FAM135B: variants seen among roughly 807,000 people sequenced by gnomAD.
FAM135B encodes the protein protein FAM135B.
Under a neutral mutation model 127.7 loss-of-function variants are expected in FAM135B, and 43 were observed. The observed-to-expected ratio is 0.34, with a 90% CI of 0.26 to 0.43. FAM135B has a LOEUF of 0.43. Among genes scored for constraint, FAM135B ranks in the 20% least tolerant of loss-of-function variants. The pLI is 1.00. For missense variants in FAM135B, 1,558 were observed against 1,725.6 expected, an observed-to-expected ratio of 0.90 and a Z score of 1.72; for synonymous variants, 670 against 665.1, an observed-to-expected ratio of 1.01 and a Z score of -0.11.
At chr8:138,488,996 A>G (rs915118408) in intron 1 of FAM135B, among the ~76,000 whole-genome samples, 5 of 152,128 alleles carry the variant, frequency 3.3e-5, no homozygotes, top group African/African-American at 9.7e-5. Context: ...GCAGTAGTGT[A>G]GCCCTTGTGG....
intron 5 of FAM135B, among the ~76,000 whole-genome samples, 158 bp from the exon 6 acceptor site, chr8:138,251,172 A>G (rs1290086489): frequency 6.6e-6 from 1 of 152,108 alleles, no homozygotes; most frequent in African/African-American, 2.4e-5. Context: ...CATTTTTCCC[A>G]CCATTGGCAG....
intron 11 of FAM135B, among the ~76,000 whole-genome samples, chr8:138,173,231 G>A (rs764759314): frequency 1.6e-4 from 24 of 152,140 alleles, no homozygotes; most frequent in Admixed American, 8.5e-4. Context: ...ACCTGAGTCC[G>A]GGCTTATGCT....
intron 7 of FAM135B, among the ~76,000 whole-genome samples, chr8:138,235,506 G>C (rs1563802071): frequency 6.6e-6 from 1 of 152,178 alleles, no homozygotes; most frequent in Non-Finnish European, 1.5e-5. Context: ...AAGAATATGA[G>C]GGTGTTCACA....
At position 138,178,710 on chromosome 8, in the gene FAM135B, G is replaced by A. The variant is rs2130984581; in HGVS notation, c.874-20C>T. 1 of 1,612,554 alleles carries A rather than the reference G, an allele frequency of 6.2e-7. No homozygotes were observed. Among genetic ancestry groups the A allele is most frequent in the Non-Finnish European group, 8.5e-7 (1 of 1,179,012 alleles). ...CAACATCTGGAGAGGCAAAAAAGGT[G>A]GTATTCAAGGCTCCTGACTCCATGA... On this transcript the variant is annotated intron_variant, in intron 9 of 19. Coordinates refer to ENST00000395297, the MANE Select transcript of FAM135B (RefSeq NM_015912.4).
rs138018496 is a variant in FAM135B at position 138,242,407 on chromosome 8, C to T, written c.669+535G>A. Among the ~76,000 whole-genome samples, 42 of 152,130 alleles carry T rather than the reference C, an allele frequency of 2.8e-4. No individual in the cohort carries two copies. The highest frequency in any genetic ancestry group is 1.0e-3 in the African/African-American group (42 of 41,514). ...GGGGATGTTTCCTAGGATAAAAGAA[C>T]AAGGGGAAGGACAGGATATGCATAT... On this transcript the variant is annotated intron_variant, in intron 7 of 19. Coordinates refer to ENST00000395297, the MANE Select transcript of FAM135B (RefSeq NM_015912.4). The surrounding 1 kb of genome is among the most constrained non-coding windows in gnomAD (Gnocchi z 9.6).
intron 1 of FAM135B, among the ~76,000 whole-genome samples, chr8:138,445,525 G>T (rs925855433): frequency 3.3e-5 from 5 of 152,060 alleles, no homozygotes; most frequent in East Asian, 3.9e-4. Flanking sequence ...ATGTAATCTA[G>T]CATATAAACA....
At chr8:138,188,682 C>T (rs1815808780) in intron 9 of FAM135B, among the ~76,000 whole-genome samples, 1 of 152,196 alleles carries the variant, frequency 6.6e-6, no homozygotes, top group African/African-American at 2.4e-5. Flanking sequence ...TCATCCCATG[C>T]CCTGCCTTCC....
chr8:138,377,624 C>CCA (rs1304781414), intron 1 of FAM135B, among the ~76,000 whole-genome samples: 1 of 152,178 alleles, frequency 6.6e-6, no homozygotes, highest in Non-Finnish European at 1.5e-5. Context: ...TTTAAAGGTT[C>CCA]CACATTTCAA....
intron 1 of FAM135B, among the ~76,000 whole-genome samples, chr8:138,467,196 C>T (rs1049712749): frequency 6.6e-6 from 1 of 152,162 alleles, no homozygotes; most frequent in Non-Finnish European, 1.5e-5. Flanking sequence ...TCACTGCATG[C>T]TATCTTATAC....
At chr8:138,373,712 G>A (rs1831290394) in intron 1 of FAM135B, among the ~76,000 whole-genome samples, 1 of 152,030 alleles carries the variant, frequency 6.6e-6, no homozygotes, top group Non-Finnish European at 1.5e-5. Flanking sequence ...AAGAGAATGT[G>A]CCCCTGAGGG....
chr8:138,439,375 C>G (rs1366343689), intron 1 of FAM135B: 1 of 152,136 alleles, frequency 6.6e-6, no homozygotes, highest in Non-Finnish European at 1.5e-5. Flanking sequence ...GAATTCAGAC[C>G]TGCCTGATCC....
At chr8:138,253,311 TG>T (rs1261075890) in intron 5 of FAM135B, among the ~76,000 whole-genome samples, 1 of 152,192 alleles carries the variant, frequency 6.6e-6, no homozygotes, top group Admixed American at 6.5e-5. Context: ...CAGGTTCTGA[TG>T]GGTCTTTGCA....
At chr8:138,290,674 C>T (rs979979179) in intron 3 of FAM135B, among the ~76,000 whole-genome samples, 2 of 152,068 alleles carry the variant, frequency 1.3e-5, no homozygotes, top group African/African-American at 2.4e-5. Context: ...GTTATGGGAG[C>T]AGAACCTGCT....
chr8:138,328,161 G>A (rs995453254), intron 2 of FAM135B, among the ~76,000 whole-genome samples: 2 of 152,108 alleles, frequency 1.3e-5, no homozygotes, highest in African/African-American at 4.8e-5. Context: ...GATGCTGGTA[G>A]ACAGAGATGC....
chr8:138,262,824 C>A (rs1260236371), intron 4 of FAM135B, among the ~76,000 whole-genome samples: 1 of 148,372 alleles, frequency 6.7e-6, no homozygotes, highest in Non-Finnish European at 1.5e-5. Flanking sequence ...ATCACTTGAA[C>A]CCAAGAGGCG....
chr8:138,494,559 T>A (rs770202919), intron 1 of FAM135B, among the ~76,000 whole-genome samples: 1 of 152,184 alleles, frequency 6.6e-6, no homozygotes, highest in Admixed American at 6.5e-5. Context: ...GAAATTGTTA[T>A]TCTAGGCAGG....
intron 2 of FAM135B, among the ~76,000 whole-genome samples, chr8:138,360,883 C>T (rs1280973014): frequency 3.3e-5 from 5 of 151,652 alleles, no homozygotes; most frequent in Non-Finnish European, 5.9e-5. Context: ...AGAGATGATT[C>T]TGACTCAGTA....
At position 138,206,622 on chromosome 8, in the gene FAM135B, C is replaced by T. The variant is rs1300098904; in HGVS notation, c.670-8953G>A. Among the ~76,000 whole-genome samples, 4 of 151,246 alleles carry T rather than the reference C, an allele frequency of 2.6e-5. No homozygotes were observed. The East Asian group carries it at 7.8e-4, about 30-fold the overall frequency. ...AACTCCAGCATCCCCTCCACCTACACACAACTCTATCATCCCCTCCACCTA... is the reference window on the plus strand; with the variant it reads ...AACTCCAGCATCCCCTCCACCTACATACAACTCTATCATCCCCTCCACCTA... On this transcript the variant is annotated intron_variant, in intron 7 of 19. Transcript: ENST00000395297.
intron 7 of FAM135B, among the ~76,000 whole-genome samples, chr8:138,219,435 A>G (rs2130008523): frequency 1.3e-5 from 2 of 152,266 alleles, no homozygotes; most frequent in Admixed American, 1.3e-4. Flanking sequence ...GCCTTTAGTC[A>G]TTTCACAGAA....
Sources: gnomAD v4.1 joint callset for allele counts (sites outside exome capture counted in the v4.1 genomes callset) on GRCh38, gnomAD v4.1.1 for gene constraint, Gnocchi (gnomAD v3.1) non-coding constraint, MANE v1.5 for transcripts, NCBI Gene and HGNC (gene_info 2026-07-23, HGNC 2026-07-21) for gene names.